The following PRRX2 variants were observed in gnomAD, a reference collection of about 807,000 sequenced individuals.
PRRX2 encodes paired mesoderm homeobox protein 2.
In PRRX2, 11 loss-of-function variants were observed where a neutral mutation model predicts 18.0. The observed-to-expected ratio is 0.61, with a 90% CI of 0.39 to 1.01. The LOEUF (loss-of-function observed/expected upper bound fraction) is 1.01. PRRX2 is among the 50% of genes least tolerant of loss of function. The pLI, the probability that PRRX2 is intolerant of heterozygous loss-of-function variation, is 0.01. For missense variants in PRRX2, 387 were observed against 351.0 expected (o/e 1.10, Z -0.82); for synonymous variants, 177 against 154.8 (o/e 1.14, Z -1.06).
rs568908985 is a variant in PRRX2 at position 129,717,329 on chromosome 9, C to T, written c.260-1902C>T. ...AAGTAATCCACCTGCCTCAGCGTCC[C>T]GAAGTGATGGGATTACAGGTGTGAG... On this transcript the variant is annotated intron_variant, in intron 1 of 3. Transcript: ENST00000372469. Among the ~76,000 whole-genome samples, 72 of 152,214 alleles carry T rather than the reference C, an allele frequency of 4.7e-4. No homozygotes were observed. In the South Asian group the frequency reaches 5.2e-3, roughly 11 times the overall value.
chr9:129,719,841 T>A (rs936973567), intron 2 of PRRX2, among the ~76,000 whole-genome samples: 2 of 151,968 alleles, frequency 1.3e-5, no homozygotes, highest in Admixed American at 6.6e-5. Context: ...ACAAAAATTA[T>A]CCGGGCGTGC....
intron 1 of PRRX2, among the ~76,000 whole-genome samples, chr9:129,700,738 C>T (rs1300301371): frequency 1.3e-5 from 2 of 152,168 alleles, no homozygotes; most frequent in Non-Finnish European, 2.9e-5. Context: ...CCACTTCAGC[C>T]TCCTGAGTTG....
At chr9:129,710,008 G>A (rs970454538) in intron 1 of PRRX2, among the ~76,000 whole-genome samples, 1 of 152,160 alleles carries the variant, frequency 6.6e-6, no homozygotes, top group Non-Finnish European at 1.5e-5. Flanking sequence ...CTACTGGACC[G>A]ATGACCCCAC....
At chr9:129,699,802 C>G (rs1300095430) in intron 1 of PRRX2, among the ~76,000 whole-genome samples, 1 of 152,176 alleles carries the variant, frequency 6.6e-6, no homozygotes, top group Non-Finnish European at 1.5e-5. Context: ...AGCCTCTGCT[C>G]TGTGTGTGTC....
intron 1 of PRRX2, among the ~76,000 whole-genome samples, chr9:129,699,217 G>A (rs1174784996): frequency 1.3e-5 from 2 of 152,224 alleles, no homozygotes. Context: ...GAGGTCAGGA[G>A]TTCGAGACCA....
At chr9:129,720,455 A>C in intron 2 of PRRX2, 141 bp from the exon 3 acceptor site, 1 of 705,730 alleles carries the variant, frequency 1.4e-6, no homozygotes, top group Non-Finnish European at 2.2e-6. Flanking sequence ...TGTCATCCCC[A>C]TTCTACAGAT....
intron 1 of PRRX2, among the ~76,000 whole-genome samples, chr9:129,710,325 A>G (rs1366266882): frequency 3.3e-5 from 5 of 152,198 alleles, no homozygotes; most frequent in Non-Finnish European, 1.5e-5. Context: ...GCAATGGTCC[A>G]GGGAGGTGAA....
intron 1 of PRRX2, among the ~76,000 whole-genome samples, chr9:129,707,849 A>T (rs926577713): frequency 1.3e-5 from 2 of 151,380 alleles, no homozygotes; most frequent in African/African-American, 4.9e-5. Flanking sequence ...TTTTGTGTGG[A>T]CACATGTTTC....
At chr9:129,676,219 G>A (rs1832161337) in intron 1 of PRRX2, among the ~76,000 whole-genome samples, 1 of 152,176 alleles carries the variant, frequency 6.6e-6, no homozygotes, top group African/African-American at 2.4e-5. Flanking sequence ...TGGGCCCTGG[G>A]ACGGTGGGAA....
intron 1 of PRRX2, among the ~76,000 whole-genome samples, chr9:129,694,934 C>T (rs1832402504): frequency 6.6e-6 from 1 of 152,194 alleles, no homozygotes; most frequent in Non-Finnish European, 1.5e-5. Context: ...GCCACCATCC[C>T]CTCTCATCAG....
chr9:129,697,818 C>T (rs1832446409), intron 1 of PRRX2, among the ~76,000 whole-genome samples: 1 of 152,030 alleles, frequency 6.6e-6, no homozygotes, highest in Admixed American at 6.5e-5. Flanking sequence ...GGGCTGGGGA[C>T]GCTTCCCCGC....
At chr9:129,710,503 G>A (rs1037658660) in intron 1 of PRRX2, among the ~76,000 whole-genome samples, 2 of 152,206 alleles carry the variant, frequency 1.3e-5, no homozygotes, top group Admixed American at 1.3e-4. Flanking sequence ...GGAGGCTGAG[G>A]CGGGTGGACC....
intron 1 of PRRX2, among the ~76,000 whole-genome samples, chr9:129,684,532 A>ACACACACACAC (rs1165343797): frequency 7.1e-6 from 1 of 140,278 alleles, no homozygotes; most frequent in African/African-American, 2.9e-5. Context: ...ACCCACACAC[A>ACACACACACAC]CCCCAACAGA....
intron 1 of PRRX2, among the ~76,000 whole-genome samples, chr9:129,677,348 A>G (rs1333371697): frequency 3.9e-5 from 6 of 152,226 alleles, no homozygotes; most frequent in African/African-American, 7.2e-5. Flanking sequence ...TGACCCAGGA[A>G]ATACGCAGTG....
intron 2 of PRRX2, among the ~76,000 whole-genome samples, chr9:129,720,135 C>G (rs567252884): frequency 6.6e-6 from 1 of 151,968 alleles, no homozygotes; most frequent in Non-Finnish European, 1.5e-5. Context: ...GCTCAGCAAG[C>G]GCCTCTCCCC....
intron 1 of PRRX2, among the ~76,000 whole-genome samples, chr9:129,680,709 C>T (rs1163787046): frequency 6.6e-6 from 1 of 152,050 alleles, no homozygotes; most frequent in Non-Finnish European, 1.5e-5. Flanking sequence ...CCCCAGCCCG[C>T]ACACAGGACC....
intron 1 of PRRX2, among the ~76,000 whole-genome samples, chr9:129,686,350 T>C (rs1034387421): frequency 1.3e-5 from 2 of 152,176 alleles, no homozygotes; most frequent in Non-Finnish European, 2.9e-5. Context: ...ACCTCCTTAC[T>C]TTTGTTTTGT....
intron 1 of PRRX2, among the ~76,000 whole-genome samples, chr9:129,692,728 G>T (rs755775663): frequency 6.6e-6 from 1 of 152,132 alleles, no homozygotes; most frequent in Non-Finnish European, 1.5e-5. Flanking sequence ...TTCATGGTTC[G>T]ATAGCTCCTT....
chr9:129,670,540 A>C (rs565518578), intron 1 of PRRX2, among the ~76,000 whole-genome samples: 11 of 151,880 alleles, frequency 7.2e-5, no homozygotes, highest in Non-Finnish European at 8.8e-5. Flanking sequence ...ATACCTGGCT[A>C]ATTTTTGTAT....
Sources: gnomAD v4.1 joint callset for allele counts (sites outside exome capture counted in the v4.1 genomes callset) on GRCh38, gnomAD v4.1.1 for gene constraint, MANE v1.5 for transcripts, NCBI Gene and HGNC (gene_info 2026-07-23, HGNC 2026-07-21) for gene names.